The following SAFB variants were observed in gnomAD, a reference collection of about 807,000 sequenced individuals.
The protein encoded by SAFB is scaffold attachment factor B1.
SAFB carries 15 observed loss-of-function variants against 101.6 expected under a neutral mutation model. The observed-to-expected ratio is 0.15, with a 90% confidence interval of 0.10 to 0.23. The LOEUF (loss-of-function observed/expected upper bound fraction) is 0.23. SAFB is among the 10% of genes least tolerant of loss of function. SAFB has a pLI of 1.00. For missense variants in SAFB, 930 were observed against 1,104.1 expected, an observed-to-expected ratio of 0.84 and a Z score of 2.23; for synonymous variants, 449 against 407.5, an observed-to-expected ratio of 1.10 and a Z score of -1.23.
intron 13 of SAFB, among the ~76,000 whole-genome samples, chr19:5,656,646 G>A (rs983955015): frequency 2.7e-5 from 4 of 148,832 alleles, no homozygotes; most frequent in African/African-American, 1.0e-4. Flanking sequence ...GCGCGTCCTC[G>A]GTTCACTGCA....
intron 4 of SAFB, among the ~76,000 whole-genome samples, chr19:5,645,073 C>T (rs1442576134): frequency 1.3e-5 from 2 of 152,208 alleles, no homozygotes; most frequent in Non-Finnish European, 2.9e-5. Flanking sequence ...TTGACTTAGA[C>T]TTTTTTTCTT....
intron 11 of SAFB, among the ~76,000 whole-genome samples, chr19:5,653,696 C>CT (rs2053990885): frequency 6.6e-6 from 1 of 151,754 alleles, no homozygotes; most frequent in Non-Finnish European, 1.5e-5. Context: ...AACTCCTGAC[C>CT]TTGTGATCCG....
At chr19:5,634,008 A>G (rs1486664081) in intron 2 of SAFB, among the ~76,000 whole-genome samples, 1 of 152,142 alleles carries the variant, frequency 6.6e-6, no homozygotes, top group Non-Finnish European at 1.5e-5. Flanking sequence ...TAAAATTGTT[A>G]ATCACTTCTC....
intron 1 of SAFB, among the ~76,000 whole-genome samples, chr19:5,623,673 G>T (rs955607748): frequency 4.6e-5 from 7 of 152,104 alleles, no homozygotes; most frequent in African/African-American, 1.7e-4. Context: ...TGAGAGGAGG[G>T]TTCTCCCCTC....
chr19:5,668,113 C>CGGGGAGCA (rs1568286083), intron 20 of SAFB, 49 bp from the exon 21 acceptor site: 11 of 1,590,798 alleles, frequency 6.9e-6, no homozygotes, highest in Non-Finnish European at 7.7e-6. Context: ...TGGGATGGGC[C>CGGGGAGCA]GGGGAGCAGG....
At position 5,641,957 on chromosome 19, in the gene SAFB, G is replaced by T; in HGVS notation, c.546+11G>T. 3 of 1,607,726 alleles carry T rather than the reference G, an allele frequency of 1.9e-6. No individual in the cohort carries two copies. The highest frequency in any genetic ancestry group is 2.6e-6 in the Non-Finnish European group (3 of 1,174,344). ...CTTCAGGAACATGCTGTAGGTAACC[G>T]GCAATGTCTCTAGAATGTGCCCTGA... On this transcript the variant is annotated intron_variant, in intron 4 of 20. Transcript: ENST00000588852.
At chr19:5,647,754 C>T (rs187460102) in intron 5 of SAFB, among the ~76,000 whole-genome samples, 1 of 152,252 alleles carries the variant, frequency 6.6e-6, no homozygotes, top group Non-Finnish European at 1.5e-5. Flanking sequence ...GAGGGTCAGG[C>T]GTGCTTATGA....
At chr19:5,662,356 T>C (rs1239950484) in intron 15 of SAFB, among the ~76,000 whole-genome samples, 2 of 151,732 alleles carry the variant, frequency 1.3e-5, no homozygotes, top group African/African-American at 2.4e-5. Flanking sequence ...AAATTGGTCG[T>C]GGTGACAGGC....
At chr19:5,655,544 G>A (rs972953024) in intron 13 of SAFB, among the ~76,000 whole-genome samples, 2 of 151,546 alleles carry the variant, frequency 1.3e-5, no homozygotes, top group African/African-American at 4.9e-5. Flanking sequence ...ACTGTCAACT[G>A]GGGACACTCT....
At chr19:5,653,035 T>C (rs1343131650) in intron 9 of SAFB, 80 bp from the exon 10 acceptor site, 1 of 1,448,400 alleles carries the variant, frequency 6.9e-7, no homozygotes, top group East Asian at 2.3e-5. Flanking sequence ...ATGAGCAGAC[T>C]TCCCTGTGGG....
At chr19:5,623,447 C>A in intron 1 of SAFB, 53 bp downstream of exon 1, 1 of 1,494,886 alleles carries the variant, frequency 6.7e-7, no homozygotes, top group Non-Finnish European at 9.1e-7. Context: ...GTCCTCTTGG[C>A]CGCGACGGTG....
chr19:5,638,197 C>T (rs116864233), intron 2 of SAFB, among the ~76,000 whole-genome samples: 1 of 152,124 alleles, frequency 6.6e-6, no homozygotes, highest in African/African-American at 2.4e-5. Context: ...GGAGGTTGCA[C>T]AAGGGGAGTT....
chr19:5,635,598 G>C (rs1309724290), intron 2 of SAFB, among the ~76,000 whole-genome samples: 2 of 152,132 alleles, frequency 1.3e-5, no homozygotes, highest in African/African-American at 4.8e-5. Flanking sequence ...AAGTGTGTTT[G>C]TGTAATCAAA....
intron 13 of SAFB, among the ~76,000 whole-genome samples, chr19:5,656,638 G>T (rs2054068817): frequency 1.3e-5 from 2 of 148,984 alleles, no homozygotes; most frequent in Admixed American, 1.4e-4. Flanking sequence ...GTGTAGTGGC[G>T]CGTCCTCGGT....
chr19:5,649,753 T>C (rs1905491892), intron 7 of SAFB, 173 bp from the exon 8 acceptor site: 1 of 785,968 alleles, frequency 1.3e-6, no homozygotes, highest in Non-Finnish European at 2.1e-6. Flanking sequence ...AATTAACTCC[T>C]GTGGGTCTGA....
chr19:5,645,247 C>T (rs1355902122), intron 4 of SAFB, 90 bp from the exon 5 acceptor site: 1 of 631,756 alleles, frequency 1.6e-6, no homozygotes, highest in Non-Finnish European at 2.9e-6. Flanking sequence ...GAATTATTTT[C>T]ATAGCTGTTC....
chr19:5,628,842 TA>T (rs2053425642), intron 2 of SAFB, among the ~76,000 whole-genome samples: 1 of 152,144 alleles, frequency 6.6e-6, no homozygotes, highest in South Asian at 2.1e-4. Context: ...AAAGAAATAA[TA>T]AAAGCAAAAA....
At chr19:5,664,751 G>A in intron 17 of SAFB, 1 of 347,704 alleles carries the variant, frequency 2.9e-6, no homozygotes, top group South Asian at 2.6e-5. Context: ...GCTGGGAAGT[G>A]TCTAGTGAGC....
intron 14 of SAFB, among the ~76,000 whole-genome samples, chr19:5,657,943 T>C (rs2054101934): frequency 6.6e-6 from 1 of 152,118 alleles, no homozygotes; most frequent in Non-Finnish European, 1.5e-5. Flanking sequence ...CCAAATTTGC[T>C]CCAGAAGATG....
Sources: allele counts gnomAD v4.1 joint callset (sites outside exome capture counted in the v4.1 genomes callset), GRCh38; gene constraint gnomAD v4.1.1; transcripts MANE v1.5; gene names NCBI Gene and HGNC (gene_info 2026-07-23, HGNC 2026-07-21).